Variants in PEX7 observed in about 807,000 individuals in gnomAD.
The protein encoded by PEX7 is peroxisomal biogenesis factor 7.
PEX7 carries 34 observed loss-of-function variants against 47.5 expected under a neutral mutation model. That is an observed-to-expected ratio of 0.72 (90% CI 0.54 to 0.95). PEX7 has a LOEUF of 0.95. Ranked by LOEUF, PEX7 falls within the 40% of genes least tolerant of loss-of-function variation. The pLI, the probability that PEX7 is intolerant of heterozygous loss-of-function variation, is 0.00. For synonymous variants in PEX7, 141 were observed against 148.8 expected (o/e 0.95, Z 0.38); for missense variants, 394 against 400.3 (o/e 0.98, Z 0.13).
intron 3 of PEX7, among the ~76,000 whole-genome samples, chr6:136,830,970 T>C (rs148796791): frequency 6.6e-6 from 1 of 152,220 alleles, no homozygotes; most frequent in East Asian, 1.9e-4. Flanking sequence ...ATGGAGGAAA[T>C]GTATTTGCTT....
At chr6:136,838,109 C>T (rs939629433) in intron 3 of PEX7, among the ~76,000 whole-genome samples, 8 of 151,944 alleles carry the variant, frequency 5.3e-5, no homozygotes, top group Non-Finnish European at 8.8e-5. Context: ...TTTAGTAGCC[C>T]GTAATGAAAT....
chr6:136,822,870 G>T (rs1774106655), intron 1 of PEX7, 75 bp downstream of exon 1: 2 of 1,224,158 alleles, frequency 1.6e-6, no homozygotes, highest in Non-Finnish European at 2.0e-6. Flanking sequence ...AGTTCCTCGC[G>T]CTCGAGGGAA....
intron 8 of PEX7, among the ~76,000 whole-genome samples, chr6:136,885,737 A>C (rs933122800): frequency 2.0e-5 from 3 of 152,256 alleles, no homozygotes; most frequent in Non-Finnish European, 4.4e-5. Flanking sequence ...GGACATATGT[A>C]GTCACAAATG....
chr6:136,885,022 G>A (rs1775445441), intron 8 of PEX7, among the ~76,000 whole-genome samples: 1 of 152,084 alleles, frequency 6.6e-6, no homozygotes. Flanking sequence ...AGCCACATTT[G>A]TTGTGCCAAC....
At chr6:136,841,021 C>T (rs1429114736) in intron 3 of PEX7, among the ~76,000 whole-genome samples, 1 of 152,170 alleles carries the variant, frequency 6.6e-6, no homozygotes, top group Non-Finnish European at 1.5e-5. Context: ...TTATTTATAG[C>T]ATGTTTGCTG....
chr6:136,884,935 G>A (rs1486958198), intron 8 of PEX7, among the ~76,000 whole-genome samples: 3 of 152,128 alleles, frequency 2.0e-5, no homozygotes, highest in African/African-American at 7.2e-5. Flanking sequence ...TTCCATGAAT[G>A]TTATCATCGT....
At chr6:136,825,837 A>C (rs771548810) in intron 2 of PEX7, among the ~76,000 whole-genome samples, 1 of 151,872 alleles carries the variant, frequency 6.6e-6, no homozygotes, top group Non-Finnish European at 1.5e-5. Flanking sequence ...CCAGCCTAAA[A>C]ATTTTTTTAA....
chr6:136,827,266 C>A (rs1404642009), intron 3 of PEX7, among the ~76,000 whole-genome samples: 1 of 152,060 alleles, frequency 6.6e-6, no homozygotes, highest in Non-Finnish European at 1.5e-5. Context: ...ATAGCTGTAG[C>A]TATTGACAAT....
At chr6:136,878,634 T>C (rs1775320649) in intron 8 of PEX7, among the ~76,000 whole-genome samples, 1 of 152,118 alleles carries the variant, frequency 6.6e-6, no homozygotes, top group Non-Finnish European at 1.5e-5. Flanking sequence ...CCCATACCTT[T>C]ATTTTTAAAC....
At chr6:136,833,370 C>T (rs552486543) in intron 3 of PEX7, among the ~76,000 whole-genome samples, 2 of 152,246 alleles carry the variant, frequency 1.3e-5, no homozygotes, top group African/African-American at 4.8e-5. Flanking sequence ...GTGGGGATTA[C>T]AATTCAAGAT....
At chr6:136,852,009 G>T (rs1774766347) in intron 5 of PEX7, among the ~76,000 whole-genome samples, 1 of 98,680 alleles carries the variant, frequency 1.0e-5, no homozygotes, top group African/African-American at 4.9e-5. Flanking sequence ...AGTTTAATTA[G>T]ATCCCATTTG....
rs149282326 is a variant in PEX7, at chr6:136,882,537, T to A, written c.803+10284T>A. Reference sequence around the variant, plus strand: ...TATTCCCTGCACATTCAGCAAAAGATCTTACCTTTAAAATAATAATAATAA... The same window carrying A: ...TATTCCCTGCACATTCAGCAAAAGAACTTACCTTTAAAATAATAATAATAA... On this transcript the variant is annotated intron_variant, in intron 8 of 9. Coordinates refer to ENST00000318471, the MANE Select transcript of PEX7 (RefSeq NM_000288.4). 2.1e-3 allele frequency among the ~76,000 whole-genome samples: 298 copies of A among 140,674 alleles called. 3 individuals are homozygous for A. Among genetic ancestry groups the A allele is most frequent in the African/African-American group, 6.8e-3 (267 of 39,382 alleles). 92.3% of individuals were successfully genotyped at this position (140,674 alleles called of 152,430 possible).
intron 5 of PEX7, among the ~76,000 whole-genome samples, 199 bp downstream of exon 5, chr6:136,846,380 T>C (rs942875719): frequency 1.3e-4 from 20 of 152,210 alleles, no homozygotes; most frequent in Non-Finnish European, 2.5e-4. Context: ...CTAGGGTACA[T>C]GTGCACAACG....
At chr6:136,827,221 G>A (rs1774210428) in intron 3 of PEX7, among the ~76,000 whole-genome samples, 1 of 152,162 alleles carries the variant, frequency 6.6e-6, no homozygotes, top group Non-Finnish European at 1.5e-5. Flanking sequence ...GTCTTTTGTG[G>A]TAAAGATTAG....
intron 6 of PEX7, among the ~76,000 whole-genome samples, chr6:136,868,105 T>C (rs963888883): frequency 5.9e-5 from 9 of 152,218 alleles, no homozygotes; most frequent in Non-Finnish European, 1.2e-4. Context: ...CAGTATTCAG[T>C]ACAGTAACAT....
At chr6:136,823,874 G>A (rs1417759963) in intron 1 of PEX7, among the ~76,000 whole-genome samples, 1 of 152,198 alleles carries the variant, frequency 6.6e-6, no homozygotes, top group African/African-American at 2.4e-5. Flanking sequence ...TGGGCAAGAA[G>A]AGCAAAACTC....
chr6:136,846,164 G>T lies in PEX7; in HGVS notation c.509G>T (p.Cys170Phe). The change falls in exon 5 of 10, where the codon TGT becomes TTT. Residue 170 changes from cysteine (C) to phenylalanine (F), a missense_variant. Transcript: ENST00000318471. ...STIWSPHIPGCFASASGDQTL... is the reference protein window; with the variant it reads ...STIWSPHIPGFFASASGDQTL... ...ATCTGGTCTCCCCACATCCCTGGTT[G>T]TTTTGCTTCAGCCTCAGGTAAATTA... is the stretch of plus-strand genomic sequence containing the variant. 1 of 1,610,546 alleles carries T rather than the reference G, an allele frequency of 6.2e-7. No individual in the cohort carries two copies. The highest frequency in any genetic ancestry group is 8.5e-7 in the Non-Finnish European group (1 of 1,177,066).
chr6:136,869,703 A>T (rs531842405), intron 6 of PEX7, among the ~76,000 whole-genome samples, 187 bp from the exon 7 acceptor site: 1 of 152,132 alleles, frequency 6.6e-6, no homozygotes, highest in Non-Finnish European at 1.5e-5. Flanking sequence ...CTCACAAGTC[A>T]TATTAGTTTT....
chr6:136,845,158 T>G (rs372518323), intron 3 of PEX7, among the ~76,000 whole-genome samples: 4 of 152,190 alleles, frequency 2.6e-5, no homozygotes, highest in African/African-American at 9.7e-5. Context: ...TACCAAGAGA[T>G]CTGGAAGGAT....
Sources: gnomAD v4.1 joint callset for allele counts (sites outside exome capture counted in the v4.1 genomes callset) on GRCh38, gnomAD v4.1.1 for gene constraint, MANE v1.5 for transcripts, NCBI Gene and HGNC (gene_info 2026-07-23, HGNC 2026-07-21) for gene names.